PTPRG: variants seen among roughly 807,000 people sequenced by gnomAD.
PTPRG encodes the protein protein tyrosine phosphatase receptor type G, also known as receptor-type tyrosine-protein phosphatase gamma.
A neutral mutation model predicts 165.3 loss-of-function variants in PTPRG; 102 were observed. The observed-to-expected ratio is 0.62, with a 90% CI of 0.53 to 0.73. The LOEUF (loss-of-function observed/expected upper bound fraction) is 0.73, where lower values mean the gene tolerates loss of function less well. Ranked by LOEUF, PTPRG falls within the 30% of genes least tolerant of loss-of-function variation. The probability of loss-of-function intolerance (pLI) is 0.00; values close to 1 mark genes in which losing one functional copy is unlikely to be tolerated. For missense variants in PTPRG, 1,866 were observed against 1,861.4 expected (o/e 1.00, Z -0.05); for synonymous variants, 675 against 669.5 (o/e 1.01, Z -0.13).
chr3:62,242,904 G>C (rs191165824), intron 14 of PTPRG, among the ~76,000 whole-genome samples: 1 of 152,068 alleles, frequency 6.6e-6, no homozygotes, highest in Admixed American at 6.5e-5. Context: ...GAAGGATGCC[G>C]CCTGCTTGGC....
At chr3:61,767,239 T>TGGAAAAAAAAAAAAAA (rs1371380259) in intron 2 of PTPRG, among the ~76,000 whole-genome samples, 1 of 73,098 alleles carries the variant, frequency 1.4e-5, no homozygotes, top group African/African-American at 4.9e-5. Flanking sequence ...AGATTCCATC[T>TGGAAAAAAAAAAAAAA]CAAAAAAAAA....
At chr3:61,718,527 CTG>C (rs1035204172) in intron 1 of PTPRG, among the ~76,000 whole-genome samples, 1 of 152,090 alleles carries the variant, frequency 6.6e-6, no homozygotes, top group Non-Finnish European at 1.5e-5. Context: ...AAATCTGAGA[CTG>C]TTTTATATTA....
intron 8 of PTPRG, among the ~76,000 whole-genome samples, chr3:62,177,605 A>C (rs1245983597): frequency 6.6e-6 from 1 of 152,160 alleles, no homozygotes; most frequent in African/African-American, 2.4e-5. Flanking sequence ...CCACACATCA[A>C]GTCCTGTCCC....
At chr3:62,225,971 T>A (rs1048369936) in intron 13 of PTPRG, among the ~76,000 whole-genome samples, 7 of 152,194 alleles carry the variant, frequency 4.6e-5, no homozygotes, top group Non-Finnish European at 8.8e-5. Context: ...GAACCTTTTA[T>A]GACTATGTAC....
In PTPRG at chr3:62,190,301, C is replaced by G. The variant is rs1699775397; in HGVS notation, c.1034-1168C>G. On this transcript the variant is annotated intron_variant, in intron 8 of 29. Coordinates refer to ENST00000474889, the MANE Select transcript of PTPRG (RefSeq NM_002841.4). This position sits in a 1 kb window ranked among gnomAD's most constrained non-coding sequence, Gnocchi z 5.2. ...CACAGGACAGTCCCCAAGAGCAAGG[C>G]ATTGTCTAGCTCAAGAGGTCATGGG... 6.6e-6 allele frequency among the ~76,000 whole-genome samples: 1 copy of G among 152,184 alleles called. No individual in the cohort carries two copies. The highest frequency in any genetic ancestry group is 1.5e-5 in the Non-Finnish European group (1 of 68,034).
At chr3:62,091,174 C>T (rs1701914790) in intron 5 of PTPRG, among the ~76,000 whole-genome samples, 2 of 152,178 alleles carry the variant, frequency 1.3e-5, no homozygotes, top group South Asian at 4.1e-4. Context: ...ACATATATCG[C>T]TTCAGTATGT....
rs1221178008 is a variant in PTPRG at position 62,195,869 on chromosome 3, C to G, written c.1327+699C>G. Among the ~76,000 whole-genome samples, 1 of 152,128 alleles carries G rather than the reference C, an allele frequency of 6.6e-6. No homozygotes were observed. The highest frequency in any genetic ancestry group is 1.5e-5 in the Non-Finnish European group (1 of 68,008). Reference sequence around the variant, plus strand: ...AGTGCAGTGGGGTGGTGTTGGCTCACTGCAACCTCTGCCTCCTGGGTTCAA... The same window carrying G: ...AGTGCAGTGGGGTGGTGTTGGCTCAGTGCAACCTCTGCCTCCTGGGTTCAA... On this transcript the variant is annotated intron_variant, in intron 10 of 29. Transcript: ENST00000474889. The surrounding 1 kb of genome is among the most constrained non-coding windows in gnomAD (Gnocchi z 4.4).
chr3:61,906,061 A>G (rs945862561), intron 2 of PTPRG, among the ~76,000 whole-genome samples: 2 of 152,194 alleles, frequency 1.3e-5, no homozygotes, highest in Non-Finnish European at 2.9e-5. Context: ...CTCTAAAAGT[A>G]CATGTGACAT....
rs145584532 is a variant in PTPRG at position 61,979,115 on chromosome 3, TA to T, written c.191-10509del. Among the ~76,000 whole-genome samples the T allele has an allele frequency of 6.2e-3, 945 of 152,352 alleles. 14 individuals are homozygous for T. The highest frequency in any genetic ancestry group is 0.02 in the African/African-American group (850 of 41,584). On this transcript the variant is annotated intron_variant, in intron 2 of 29. Transcript: ENST00000474889. ...CAAATGGATGATGGATTGTTGATGT[TA>T]GTCATTTGATAGCAGAAGTAGGACT...
At chr3:61,566,118 C>A (rs904086703) in intron 1 of PTPRG, among the ~76,000 whole-genome samples, 1 of 152,074 alleles carries the variant, frequency 6.6e-6, no homozygotes, top group East Asian at 1.9e-4. Context: ...TAAACAGGGC[C>A]TTTTGGAAAT....
intron 1 of PTPRG, among the ~76,000 whole-genome samples, chr3:61,615,137 C>T (rs559042149): frequency 2.0e-5 from 3 of 152,346 alleles, no homozygotes; most frequent in African/African-American, 4.8e-5. Flanking sequence ...CAAGAACAGT[C>T]GTGTATCACA....
intron 7 of PTPRG, among the ~76,000 whole-genome samples, chr3:62,167,347 A>G (rs770404931): frequency 3.3e-5 from 5 of 152,208 alleles, no homozygotes; most frequent in Admixed American, 6.5e-5. Context: ...GATCACTAGT[A>G]TGTCGGAAGA....
At chr3:61,635,182 T>G (rs189586588) in intron 1 of PTPRG, among the ~76,000 whole-genome samples, 22 of 152,224 alleles carry the variant, frequency 1.4e-4, no homozygotes, top group African/African-American at 5.1e-4. Flanking sequence ...ATGGGACTTC[T>G]ATTCTTAATG....
chr3:62,132,778 C>A (rs1703565981), intron 6 of PTPRG, 110 bp downstream of exon 6: 4 of 994,764 alleles, frequency 4.0e-6, no homozygotes, highest in African/African-American at 3.2e-5. Flanking sequence ...TATTCCTCAT[C>A]CCCTGATGTT....
chr3:61,629,827 G>A (rs1306082672), intron 1 of PTPRG, among the ~76,000 whole-genome samples: 2 of 152,220 alleles, frequency 1.3e-5, no homozygotes, highest in African/African-American at 2.4e-5. Context: ...GAGGCTCTCT[G>A]TGTTAACTGG....
At chr3:61,839,508 T>C (rs1016596473) in intron 2 of PTPRG, among the ~76,000 whole-genome samples, 1 of 152,218 alleles carries the variant, frequency 6.6e-6, no homozygotes, top group African/African-American at 2.4e-5. Context: ...AAGGACCAGC[T>C]CCAAGAGCCA....
chr3:61,718,550 T>A (rs1170869134), intron 1 of PTPRG, among the ~76,000 whole-genome samples: 4 of 152,140 alleles, frequency 2.6e-5, no homozygotes, highest in South Asian at 4.1e-4. Flanking sequence ...GTTATGGGAG[T>A]GAGCAGAAAG....
intron 26 of PTPRG, 32 bp downstream of exon 26, chr3:62,277,711 A>G (rs1303609743): frequency 6.2e-7 from 1 of 1,609,148 alleles, no homozygotes; most frequent in Non-Finnish European, 8.5e-7. Context: ...TATATTAATG[A>G]GCCCATGAGG....
intron 1 of PTPRG, among the ~76,000 whole-genome samples, chr3:61,687,287 C>A (rs952756051): frequency 6.6e-6 from 1 of 152,214 alleles, no homozygotes; most frequent in African/African-American, 2.4e-5. Flanking sequence ...TGGTCCTTAG[C>A]CATCCACCCT....
Sources: gnomAD v4.1 joint callset for allele counts (sites outside exome capture counted in the v4.1 genomes callset) on GRCh38, gnomAD v4.1.1 for gene constraint, Gnocchi (gnomAD v3.1) non-coding constraint, MANE v1.5 for transcripts, NCBI Gene and HGNC (gene_info 2026-07-23, HGNC 2026-07-21) for gene names.